The following SAMD12 variants were observed in gnomAD, a reference collection of about 807,000 sequenced individuals.
SAMD12 encodes sterile alpha motif domain containing 12.
Under a neutral mutation model 15.0 loss-of-function variants are expected in SAMD12, and 9 were observed. That is an observed-to-expected ratio of 0.60 (90% CI 0.36 to 1.05). The LOEUF (loss-of-function observed/expected upper bound fraction) is 1.05. Ranked by LOEUF, SAMD12 falls within the 50% of genes least tolerant of loss-of-function variation. SAMD12 has a pLI of 0.01. For synonymous variants in SAMD12, 86 were observed against 90.1 expected (o/e 0.96, Z 0.25); for missense variants, 230 against 234.2 (o/e 0.98, Z 0.12).
chr8:118,291,171 T>G (rs1814342564), intron 4 of SAMD12: 1 of 152,228 alleles, frequency 6.6e-6, no homozygotes, highest in Non-Finnish European at 1.5e-5. Flanking sequence ...ACAAATAAAC[T>G]TCATGTTATC....
At chr8:118,184,510 T>G (rs1463027154), downstream of SAMD12, among the ~76,000 whole-genome samples, 2 of 151,712 alleles carry the variant, frequency 1.3e-5, no homozygotes, top group African/African-American at 4.8e-5. Context: ...TTTCTTTTTT[T>G]TCTGAGACAG....
intron 2 of SAMD12, among the ~76,000 whole-genome samples, chr8:118,517,757 T>A (rs1162967474): frequency 1.3e-5 from 2 of 152,200 alleles, no homozygotes; most frequent in East Asian, 3.8e-4. Flanking sequence ...TTTTTGGTAA[T>A]GTCTTTGCTT....
intron 3 of SAMD12, among the ~76,000 whole-genome samples, chr8:118,397,004 C>T (rs1820607248): frequency 6.6e-6 from 1 of 152,170 alleles, no homozygotes. Context: ...AGTGCAACTG[C>T]TACCATGGGG....
intron 3 of SAMD12, among the ~76,000 whole-genome samples, chr8:118,418,438 A>G (rs532496230): frequency 6.6e-6 from 1 of 152,324 alleles, no homozygotes; most frequent in East Asian, 1.9e-4. Flanking sequence ...AAGCCAGGCC[A>G]GGCGCCATGG....
chr8:118,519,011 A>C lies in SAMD12; in HGVS notation c.192+61704T>G, dbSNP rs1825320068. On this transcript the variant is annotated intron_variant, in intron 2 of 3. Coordinates refer to ENST00000314727, the MANE Select transcript of SAMD12 (RefSeq NM_207506.3). The stretch of plus-strand genomic sequence containing the variant: ...GATAGGGCTAGATTTAAGAGGCAGG[A>C]GTCATGGAAATGCACTTAAGTATCA... 2.0e-5 allele frequency among the ~76,000 whole-genome samples: 3 copies of C among 152,226 alleles called. No homozygotes were observed. In the South Asian group the frequency reaches 6.2e-4, roughly 32 times the overall value.
chr8:118,272,298 G>T (rs1335407353), intron 4 of SAMD12, among the ~76,000 whole-genome samples: 2 of 152,228 alleles, frequency 1.3e-5, no homozygotes, highest in African/African-American at 4.8e-5. Context: ...TTTAGCCATA[G>T]CTGGAGTAGC....
At position 118,194,439 on chromosome 8, in the gene SAMD12, A is replaced by G. The variant is rs148122236; in HGVS notation, c.*3271T>C. 197 of 152,246 alleles carry G rather than the reference A, an allele frequency of 1.3e-3. 1 individual carries two copies. Among genetic ancestry groups the G allele is most frequent in the African/African-American group, 4.6e-3 (193 of 41,546 alleles). 9.4% of individuals were successfully genotyped at this position (152,246 alleles called of 1,614,324 possible). A position where few individuals can be genotyped will look rare whatever the true frequency, so the allele number is the denominator to read the frequency against. On this transcript the variant is annotated 3_prime_UTR_variant, in exon 5 of 5. Coordinates refer to the SAMD12 transcript ENST00000409003. ...ACTATTGAAGTAATTTGCTTTTCACACTAGCAGGACTGGCAATGCTCTGCA... is the reference window on the plus strand; with the variant it reads ...ACTATTGAAGTAATTTGCTTTTCACGCTAGCAGGACTGGCAATGCTCTGCA...
At chr8:118,374,959 TCAGTAA>T (rs977248525), downstream of SAMD12, among the ~76,000 whole-genome samples, 4 of 152,124 alleles carry the variant, frequency 2.6e-5, no homozygotes, top group Non-Finnish European at 5.9e-5. Context: ...TTGATGTGTA[TCAGTAA>T]TTCTTTTTGT....
intron 1 of SAMD12, among the ~76,000 whole-genome samples, chr8:118,600,827 CAT>C (rs1827845528): frequency 6.6e-6 from 1 of 151,734 alleles, no homozygotes; most frequent in Non-Finnish European, 1.5e-5. Flanking sequence ...GGTTGTGAAA[CAT>C]ATATCACACT....
At chr8:118,288,769 T>C (rs920307686) in intron 4 of SAMD12, among the ~76,000 whole-genome samples, 4 of 152,214 alleles carry the variant, frequency 2.6e-5, no homozygotes, top group African/African-American at 9.6e-5. Context: ...CAGCATTCAA[T>C]AGCAGCTTTG....
chr8:118,320,962 C>T (rs1376678142), intron 4 of SAMD12, among the ~76,000 whole-genome samples: 5 of 148,226 alleles, frequency 3.4e-5, no homozygotes, highest in Non-Finnish European at 7.4e-5. Context: ...CTTCAGCAAC[C>T]TTTATGTGAT....
intron 2 of SAMD12, among the ~76,000 whole-genome samples, chr8:118,568,882 A>C (rs1467224025): frequency 6.6e-6 from 1 of 151,916 alleles, no homozygotes. Flanking sequence ...GCAATAGAAC[A>C]ACCACAGGAG....
chr8:118,492,765 T>C (rs1432374979), intron 2 of SAMD12, among the ~76,000 whole-genome samples: 3 of 152,218 alleles, frequency 2.0e-5, no homozygotes, highest in Admixed American at 6.5e-5. Context: ...TAACCTATTC[T>C]GGCAAGCTCT....
chr8:118,224,919 A>G (rs1812155307), intron 4 of SAMD12, among the ~76,000 whole-genome samples: 1 of 152,176 alleles, frequency 6.6e-6, no homozygotes, highest in African/African-American at 2.4e-5. Context: ...AGCAAACAGT[A>G]TTTCTGGCAC....
intron 2 of SAMD12, among the ~76,000 whole-genome samples, chr8:118,550,037 C>T (rs897128454): frequency 6.6e-6 from 1 of 151,868 alleles, no homozygotes; most frequent in Non-Finnish European, 1.5e-5. Context: ...GTGAAAAGAC[C>T]AAATCTACGA....
chr8:118,435,885 C>T (rs568281635), intron 3 of SAMD12, among the ~76,000 whole-genome samples: 4 of 152,218 alleles, frequency 2.6e-5, no homozygotes, highest in African/African-American at 7.2e-5. Flanking sequence ...ATCCGAACAG[C>T]GGACACAATT....
At chr8:118,552,180 G>T (rs1563579490) in intron 2 of SAMD12, among the ~76,000 whole-genome samples, 1 of 152,102 alleles carries the variant, frequency 6.6e-6, no homozygotes, top group Non-Finnish European at 1.5e-5. Flanking sequence ...CATTTTATGA[G>T]GCCAGCATCA....
intron 4 of SAMD12, chr8:118,295,638 T>A (rs1235958854): frequency 6.7e-6 from 1 of 148,184 alleles, no homozygotes; most frequent in African/African-American, 2.6e-5. Context: ...TAACCCCAGC[T>A]GTCACTGATT....
chr8:118,332,258 T>TTTGCAAATAA, intron 4 of SAMD12, among the ~76,000 whole-genome samples: 1 of 152,206 alleles, frequency 6.6e-6, no homozygotes, highest in South Asian at 2.1e-4. Flanking sequence ...GTTTTTTATT[T>TTTGCAAATAA]TTGCAAAACT....
Sources: gnomAD v4.1 joint callset for allele counts (sites outside exome capture counted in the v4.1 genomes callset) on GRCh38, gnomAD v4.1.1 for gene constraint, MANE v1.5 for transcripts, NCBI Gene and HGNC (gene_info 2026-07-23, HGNC 2026-07-21) for gene names.